HMBOX1: variants seen among roughly 807,000 people sequenced by gnomAD.
HMBOX1 encodes the protein homeobox containing 1.
In HMBOX1, 14 loss-of-function variants were observed where a neutral mutation model predicts 54.5. The ratio of observed to expected loss-of-function variants is 0.26; its 90% CI spans 0.17 to 0.40. The LOEUF is 0.40. Among genes scored for constraint, HMBOX1 ranks in the 10% least tolerant of loss-of-function variants. The pLI is 1.00. For missense variants in HMBOX1, 332 were observed against 514.4 expected (o/e 0.65, Z 3.43); for synonymous variants, 160 against 181.0 (o/e 0.88, Z 0.93).
At chr8:28,996,781 T>C (rs1484551648) in intron 4 of HMBOX1, among the ~76,000 whole-genome samples, 1 of 152,232 alleles carries the variant, frequency 6.6e-6, no homozygotes, top group Admixed American at 6.5e-5. Context: ...ACTTTTTATA[T>C]ATGATGTGAG....
rs1266532076 is a variant in HMBOX1 at position 28,970,234 on chromosome 8, A to G, written c.215A>G (p.Tyr72Cys). 2 of 1,614,116 alleles carry G rather than the reference A, an allele frequency of 1.2e-6. No homozygotes were observed. The highest frequency in any genetic ancestry group is 1.3e-5 in the African/African-American group (1 of 74,950). ...GRRSSYGGSS[Y>C]GNSTNNVPAS... ...AGGTCCAGCTATGGAGGAAGTTCAT[A>G]TGGGAATAGTACTAACAATGTCCCA... Residue 72 changes from tyrosine to cysteine, a missense_variant, in exon 3 of 10, where the codon TAT (tyrosine) becomes TGT (cysteine). Tyr to Cys is a radical substitution (Grantham distance 194, BLOSUM62 -2). Transcript: ENST00000287701. This position sits in a 1 kb window ranked among gnomAD's most constrained non-coding sequence, Gnocchi z 4.3.
intron 1 of HMBOX1, among the ~76,000 whole-genome samples, chr8:28,929,222 A>G (rs1431752893): frequency 6.6e-6 from 1 of 152,216 alleles, no homozygotes; most frequent in Non-Finnish European, 1.5e-5. Flanking sequence ...CAGATTACCC[A>G]TGGCTTTTTG....
chr8:28,938,099 G>A (rs1563425570), intron 1 of HMBOX1, among the ~76,000 whole-genome samples: 1 of 152,118 alleles, frequency 6.6e-6, no homozygotes, highest in Admixed American at 6.6e-5. Flanking sequence ...GGCCTCCTCA[G>A]TTCTCCATGT....
intron 7 of HMBOX1, among the ~76,000 whole-genome samples, chr8:29,045,704 A>G (rs1275186156): frequency 6.6e-6 from 1 of 152,150 alleles, no homozygotes; most frequent in Non-Finnish European, 1.5e-5. Flanking sequence ...TGAAATTACT[A>G]TTTTTTTAAT....
chr8:28,961,868 A>G (rs1375862896), intron 1 of HMBOX1, among the ~76,000 whole-genome samples: 5 of 149,260 alleles, frequency 3.3e-5, no homozygotes, highest in Non-Finnish European at 7.4e-5. Context: ...TTTATAAATA[A>G]TAGGCATTCG....
intron 1 of HMBOX1, among the ~76,000 whole-genome samples, chr8:28,910,062 C>T (rs1815117645): frequency 1.3e-5 from 2 of 152,166 alleles, no homozygotes; most frequent in African/African-American, 2.4e-5. Flanking sequence ...CTAGCCCCAA[C>T]CCCAGCTCCA....
At chr8:28,924,384 A>C (rs1304733120) in intron 1 of HMBOX1, among the ~76,000 whole-genome samples, 1 of 151,632 alleles carries the variant, frequency 6.6e-6, no homozygotes, top group Non-Finnish European at 1.5e-5. Context: ...CTGGGATTAC[A>C]GGTGTGAGCC....
At chr8:28,955,840 C>G (rs534090810) in intron 1 of HMBOX1, 9 of 151,762 alleles carry the variant, frequency 5.9e-5, no homozygotes, top group Admixed American at 5.9e-4. Flanking sequence ...GTAGTTCCAG[C>G]TACTAGGGAG....
chr8:28,942,233 C>T (rs1416562837), intron 1 of HMBOX1, among the ~76,000 whole-genome samples: 2 of 152,172 alleles, frequency 1.3e-5, no homozygotes, highest in African/African-American at 4.8e-5. Flanking sequence ...TCTCCTTCTG[C>T]TCACCCCTTC....
intron 1 of HMBOX1, among the ~76,000 whole-genome samples, chr8:28,913,125 C>T (rs1815784511): frequency 6.6e-6 from 1 of 152,148 alleles, no homozygotes; most frequent in Admixed American, 6.5e-5. Flanking sequence ...AGAATGGTTA[C>T]TGTAAAATCT....
At chr8:28,981,618 C>G (rs75113074) in intron 4 of HMBOX1, among the ~76,000 whole-genome samples, 2 of 151,866 alleles carry the variant, frequency 1.3e-5, no homozygotes, top group African/African-American at 4.8e-5. Flanking sequence ...CATTGCAACG[C>G]TGATTTTTTT....
intron 6 of HMBOX1, among the ~76,000 whole-genome samples, chr8:29,035,790 A>T (rs554568660): frequency 6.6e-6 from 1 of 152,382 alleles, no homozygotes; most frequent in East Asian, 1.9e-4. Flanking sequence ...ATTCAGCGGT[A>T]GTCAAAAGAC....
intron 1 of HMBOX1, 98 bp from the exon 2 acceptor site, chr8:28,963,713 A>G (rs1825977769): frequency 3.8e-6 from 2 of 527,188 alleles, no homozygotes; most frequent in Admixed American, 6.4e-5. Context: ...ATGATTAGCT[A>G]GTGTTAACTC....
rs182998182 is a variant in HMBOX1 at position 29,050,404 on chromosome 8, C to T, written c.1126-614C>T. The T allele has an allele frequency of 3.0e-3, 506 of 167,990 alleles. 2 individuals are homozygous for T. Among genetic ancestry groups the T allele is most frequent in the African/African-American group, 0.011 (480 of 41,914 alleles). 10.4% of individuals were successfully genotyped at this position (167,990 alleles called of 1,614,324 possible). On this transcript the variant is annotated intron_variant, in intron 9 of 9. Coordinates refer to ENST00000287701, the MANE Select transcript of HMBOX1 (RefSeq NM_001135726.3). ...AGTTCTAGGTAAGACGCCTGCCGCTCCCCTTGCACAGCTGCCTGCAGCAGG... is the reference window on the plus strand; with the variant it reads ...AGTTCTAGGTAAGACGCCTGCCGCTTCCCTTGCACAGCTGCCTGCAGCAGG...
At chr8:28,925,650 ATC>A (rs1316561381) in intron 1 of HMBOX1, among the ~76,000 whole-genome samples, 27 of 148,934 alleles carry the variant, frequency 1.8e-4, no homozygotes, top group East Asian at 1.8e-3. Context: ...GAAAAAAAAA[ATC>A]TCTCTCATTA....
intron 6 of HMBOX1, among the ~76,000 whole-genome samples, chr8:29,021,550 G>C (rs911676404): frequency 6.6e-6 from 1 of 152,000 alleles, no homozygotes; most frequent in Non-Finnish European, 1.5e-5. Context: ...AATGGTCCTT[G>C]AACATATGAA....
At chr8:29,049,206 A>G in intron 9 of HMBOX1, 158 bp downstream of exon 9, 1 of 1,501,026 alleles carries the variant, frequency 6.7e-7, no homozygotes, top group Non-Finnish European at 8.9e-7. Context: ...ATGTAATTTG[A>G]AAGGAATGTG....
chr8:28,976,631 G>A (rs1828420800), intron 3 of HMBOX1, among the ~76,000 whole-genome samples: 1 of 151,898 alleles, frequency 6.6e-6, no homozygotes, highest in South Asian at 2.1e-4. Context: ...TATCTTTTAA[G>A]TCTTTTGTTT....
chr8:28,975,692 C>A (rs1828243373), intron 3 of HMBOX1, among the ~76,000 whole-genome samples: 3 of 152,066 alleles, frequency 2.0e-5, no homozygotes, highest in Admixed American at 2.0e-4. Context: ...ACAAGATCAG[C>A]CCGCTCTTCA....
Sources: allele counts gnomAD v4.1 joint callset (sites outside exome capture counted in the v4.1 genomes callset), GRCh38; gene constraint gnomAD v4.1.1; non-coding constraint Gnocchi (gnomAD v3.1); transcripts MANE v1.5; gene names NCBI Gene and HGNC (gene_info 2026-07-23, HGNC 2026-07-21).